TPX2: variants seen among roughly 807,000 people sequenced by gnomAD.
The protein encoded by TPX2 is targeting protein for Xklp2.
Under a neutral mutation model 93.6 loss-of-function variants are expected in TPX2, and 21 were observed. The observed-to-expected ratio is 0.22, with a 90% CI of 0.16 to 0.32. The LOEUF (loss-of-function observed/expected upper bound fraction) is 0.32, where lower values mean the gene tolerates loss of function less well. Ranked by LOEUF, TPX2 falls within the 10% of genes least tolerant of loss-of-function variation. The pLI is 1.00. For missense variants in TPX2, 776 were observed against 871.1 expected (o/e 0.89, Z 1.37); for synonymous variants, 281 against 298.3 (o/e 0.94, Z 0.60).
chr20:31,792,042 G>C (rs2062105319), intron 12 of TPX2, among the ~76,000 whole-genome samples: 1 of 152,196 alleles, frequency 6.6e-6, no homozygotes. Flanking sequence ...AATGTTAGCA[G>C]TGTTTTAAAA....
At position 31,801,202 on chromosome 20, in the gene TPX2, C is replaced by T. The variant is rs755582915; in HGVS notation, c.*122C>T. 159 of 789,064 alleles carry T rather than the reference C, an allele frequency of 2.0e-4. No homozygotes were observed. Among genetic ancestry groups the T allele is most frequent in the Non-Finnish European group, 2.7e-4 (132 of 483,864 alleles). The allele number at this position is 789,064 out of a possible 1,614,324, so 48.9% of individuals were successfully genotyped here. A position where few individuals can be genotyped will look rare whatever the true frequency, so the allele number is the denominator to read the frequency against. On this transcript the variant is annotated 3_prime_UTR_variant, in exon 18 of 18. Coordinates refer to ENST00000300403, the MANE Select transcript of TPX2 (RefSeq NM_012112.5). The stretch of plus-strand genomic sequence containing the variant: ...CCATTTCTCCAGACTTTTACCTACC[C>T]GTGCCTGAGAAAGCATACTTGACAA...
chr20:31,781,295 C>T (rs963799915), intron 10 of TPX2, among the ~76,000 whole-genome samples: 3 of 136,524 alleles, frequency 2.2e-5, no homozygotes, highest in African/African-American at 5.6e-5. Flanking sequence ...CTCGCTCTGT[C>T]GCCTAGGCCA....
Position 31,782,024 on chromosome 20 carries a change from T to C in TPX2, c.1055-225T>C, listed in dbSNP as rs563118574. Among the ~76,000 whole-genome samples the C allele has an allele frequency of 1.1e-4, 17 of 152,244 alleles. 1 individual carries two copies. In the East Asian group the frequency reaches 2.9e-3, roughly 26 times the overall value. On this transcript the variant is annotated intron_variant, in intron 10 of 17. Coordinates refer to ENST00000300403, the MANE Select transcript of TPX2 (RefSeq NM_012112.5). ...GGATTTTCAGTTCAGAAGATGACAG[T>C]AGAGTTTACCCAAAGGCTACCTTAG...
Position 31,742,612 on chromosome 20 carries a change from C to G in TPX2, c.-106C>G, listed in dbSNP as rs2061759617. The stretch of plus-strand genomic sequence containing the variant: ...GAAAGAGAAGATTGCAACTTTGAGT[C>G]AGACCTGTAGGCCTGATAGACTGAT... On this transcript the variant is annotated 5_prime_UTR_variant, in exon 2 of 18. Transcript: ENST00000300403. 6.6e-6 allele frequency: 1 copy of G among 152,202 alleles called. No individual in the cohort carries two copies. The highest frequency in any genetic ancestry group is 6.5e-5 in the Admixed American group (1 of 15,282). The allele number at this position is 152,202 out of a possible 1,614,324, so 9.4% of individuals were successfully genotyped here. A position where few individuals can be genotyped will look rare whatever the true frequency, so the allele number is the denominator to read the frequency against.
At chr20:31,792,907 T>C in intron 13 of TPX2, 77 bp downstream of exon 13, 2 of 1,362,102 alleles carry the variant, frequency 1.5e-6, no homozygotes, top group Non-Finnish European at 2.1e-6. Context: ...TTATTAATCT[T>C]AATGGAGTTC....
At chr20:31,769,342 G>A (rs372645101) in intron 5 of TPX2, among the ~76,000 whole-genome samples, 67 of 147,464 alleles carry the variant, frequency 4.5e-4, no homozygotes, top group African/African-American at 1.5e-3. Context: ...TTTTCAAGGC[G>A]GAGTCTCGCT....
rs547114018 is a variant in TPX2, at chr20:31,743,052, A to G, written c.-71+405A>G. ...AACATGGCAAAACCCCATCTCTACT[A>G]AAAATACAAAAATTAGCTGGGTGTG... On this transcript the variant is annotated intron_variant, in intron 2 of 17. Transcript: ENST00000300403. Among the ~76,000 whole-genome samples, 54 of 152,230 alleles carry G rather than the reference A, an allele frequency of 3.5e-4. 1 individual carries two copies. In the South Asian group the frequency reaches 0.011, roughly 32 times the overall value.
chr20:31,766,027 C>T (rs1442509955), intron 4 of TPX2, among the ~76,000 whole-genome samples: 1 of 152,130 alleles, frequency 6.6e-6, no homozygotes, highest in Non-Finnish European at 1.5e-5. Flanking sequence ...TAAATTAGTG[C>T]AGGAGAGAAA....
chr20:31,773,174 C>T (rs1159048875), intron 7 of TPX2, among the ~76,000 whole-genome samples: 1 of 125,818 alleles, frequency 7.9e-6, no homozygotes, highest in African/African-American at 3.2e-5. Context: ...TTTTGTGAGA[C>T]GGAGTCTCGC....
intron 2 of TPX2, among the ~76,000 whole-genome samples, chr20:31,749,978 G>GC (rs1452515627): frequency 6.6e-6 from 1 of 151,472 alleles, no homozygotes. Context: ...TTACTCTGTT[G>GC]CCAGGCTGGA....
At chr20:31,782,616 G>A (rs1206132699) in intron 11 of TPX2, among the ~76,000 whole-genome samples, 1 of 152,064 alleles carries the variant, frequency 6.6e-6, no homozygotes, top group Non-Finnish European at 1.5e-5. Context: ...GGCTGGGTGT[G>A]GTGGTTCACA....
At chr20:31,744,680 A>G (rs1426019324) in intron 2 of TPX2, among the ~76,000 whole-genome samples, 2 of 152,106 alleles carry the variant, frequency 1.3e-5, no homozygotes, top group South Asian at 2.1e-4. Flanking sequence ...CTACAGGTGC[A>G]TGCCACTGTA....
chr20:31,800,837 T>TC lies in TPX2; in HGVS notation c.2134-129dup. The TC allele has an allele frequency of 9.4e-6, 7 of 744,408 alleles. 1 individual carries two copies. In the South Asian group the frequency reaches 1.2e-4, roughly 13 times the overall value. The allele number at this position is 744,408 out of a possible 1,614,324, so 46.1% of individuals were successfully genotyped here. On this transcript the variant is annotated intron_variant, in intron 17 of 17. Coordinates refer to ENST00000300403, the MANE Select transcript of TPX2 (RefSeq NM_012112.5). Reference sequence around the variant, plus strand: ...TACCGTGTTGCCCCCCAGGCCCCACTCCCCACACCTGAAACTAGTGACTGG... The same window carrying TC: ...TACCGTGTTGCCCCCCAGGCCCCACTCCCCCACACCTGAAACTAGTGACTGG...
chr20:31,764,324 A>G (rs1347712873), intron 4 of TPX2, among the ~76,000 whole-genome samples: 1 of 151,916 alleles, frequency 6.6e-6, no homozygotes, highest in Non-Finnish European at 1.5e-5. Flanking sequence ...TGCCACTACC[A>G]TGCCTAGCTA....
chr20:31,766,633 C>T lies in TPX2; in HGVS notation c.307C>T (p.Leu103=). ...CATTCCGTCAAATGCTTGTTCTTCC[C>T]TGGAAGTTGAGGCAGCCATATCAAG... ...QSIPSNACSS[L]EVEAAISRKT... is the part of the protein sequence containing the mutation. Residue 103 remains leucine, a synonymous_variant, in exon 5 of 18, where the codon CTG becomes TTG. Transcript: ENST00000300403. 1 of 1,613,756 alleles carries T rather than the reference C, an allele frequency of 6.2e-7. No individual in the cohort carries two copies.
chr20:31,785,592 G>A (rs78656408), intron 12 of TPX2, among the ~76,000 whole-genome samples: 1 of 151,910 alleles, frequency 6.6e-6, no homozygotes, highest in Admixed American at 6.6e-5. Flanking sequence ...CCGCCTCCCG[G>A]GTTTAAGCGA....
intron 17 of TPX2, among the ~76,000 whole-genome samples, chr20:31,799,901 A>G (rs1376450640): frequency 1.4e-5 from 2 of 147,692 alleles, no homozygotes; most frequent in Non-Finnish European, 3.0e-5. Context: ...CTGTCTCAAA[A>G]AAAAAAAAAA....
chr20:31,741,311 G>T (rs1237107243), intron 1 of TPX2, among the ~76,000 whole-genome samples: 3 of 148,722 alleles, frequency 2.0e-5, no homozygotes, highest in East Asian at 2.1e-4. Flanking sequence ...TTTTGTTTTT[G>T]TTTTTGTTTT....
At chr20:31,795,383 C>T (rs563761388) in intron 15 of TPX2, among the ~76,000 whole-genome samples, 7 of 152,364 alleles carry the variant, frequency 4.6e-5, no homozygotes, top group South Asian at 2.1e-4. Context: ...ATCTGCCCAC[C>T]GTGGCCTCCC....
Sources: allele counts gnomAD v4.1 joint callset (sites outside exome capture counted in the v4.1 genomes callset), GRCh38; gene constraint gnomAD v4.1.1; transcripts MANE v1.5; gene names NCBI Gene and HGNC (gene_info 2026-07-23, HGNC 2026-07-21).